CAB39L: variants seen among roughly 807,000 people sequenced by gnomAD.
The protein encoded by CAB39L is calcium binding protein 39 like.
A neutral mutation model predicts 39.1 loss-of-function variants in CAB39L; 23 were observed. The observed-to-expected ratio is 0.59, with a 90% CI of 0.42 to 0.83. The LOEUF (loss-of-function observed/expected upper bound fraction) is 0.83. CAB39L is among the 40% of genes least tolerant of loss of function. CAB39L has a pLI of 0.00. For synonymous variants in CAB39L, 126 were observed against 137.2 expected (o/e 0.92, Z 0.57); for missense variants, 366 against 391.9 (o/e 0.93, Z 0.56).
intron 3 of CAB39L, among the ~76,000 whole-genome samples, chr13:49,408,354 G>A (rs1056140499): frequency 2.0e-5 from 3 of 152,156 alleles, no homozygotes; most frequent in Admixed American, 6.5e-5. Flanking sequence ...TAACAAGTCC[G>A]AGATGCCAGC....
At chr13:49,414,994 G>A (rs554134120) in intron 3 of CAB39L, among the ~76,000 whole-genome samples, 53 of 151,728 alleles carry the variant, frequency 3.5e-4, no homozygotes, top group East Asian at 5.8e-4. Flanking sequence ...TCAGGCGTTC[G>A]AGACCAGCCT....
chr13:49,376,884 T>C (rs1397546102), intron 5 of CAB39L, 83 bp downstream of exon 5: 3 of 1,132,014 alleles, frequency 2.7e-6, no homozygotes, highest in Non-Finnish European at 3.6e-6. Flanking sequence ...AAAGCAAAAG[T>C]TGAATAGTAG....
chr13:49,364,183 T>C (rs1955707408), intron 5 of CAB39L, among the ~76,000 whole-genome samples: 1 of 152,188 alleles, frequency 6.6e-6, no homozygotes, highest in African/African-American at 2.4e-5. Flanking sequence ...GCAAATATTA[T>C]TAGAGCTAAA....
intron 5 of CAB39L, among the ~76,000 whole-genome samples, chr13:49,372,965 G>A (rs894813272): frequency 1.3e-5 from 2 of 152,156 alleles, no homozygotes; most frequent in Non-Finnish European, 2.9e-5. Flanking sequence ...GAGCCACTGC[G>A]CCGGCCTCAA....
chr13:49,368,914 C>T (rs755122607), intron 5 of CAB39L, among the ~76,000 whole-genome samples: 7 of 151,896 alleles, frequency 4.6e-5, no homozygotes, highest in Admixed American at 6.6e-5. Context: ...GAAAAGAAGG[C>T]GGAGACTAGA....
chr13:49,321,728 G>A (rs746286528), intron 10 of CAB39L, among the ~76,000 whole-genome samples: 1 of 152,196 alleles, frequency 6.6e-6, no homozygotes, highest in African/African-American at 2.4e-5. Context: ...CTATAATCAC[G>A]TTTCTCATCT....
rs59783079 is a variant in CAB39L, at chr13:49,441,221, G to GTATATATATATATATATA, written c.-246+2747_-246+2764dup. On this transcript the variant is annotated intron_variant, in intron 1 of 10. Coordinates refer to ENST00000409308, the MANE Select transcript of CAB39L (RefSeq NM_001079670.3). Reference sequence around the variant, plus strand: ...GATGATTTTCTTATAATGATTTAGTGTATATATATATATATATATATATTC... The same window carrying GTATATATATATATATATA: ...GATGATTTTCTTATAATGATTTAGTGTATATATATATATATATATATATATATATATATATATATATTC... 8.9e-3 allele frequency among the ~76,000 whole-genome samples: 1,082 copies of GTATATATATATATATATA among 121,142 alleles called. 25 individuals are homozygous for GTATATATATATATATATA. Among genetic ancestry groups the GTATATATATATATATATA allele is most frequent in the African/African-American group, 0.03 (812 of 27,062 alleles). The allele number at this position is 121,142 out of a possible 152,430, so 79.5% of individuals were successfully genotyped here.
rs764162479 is a variant in CAB39L at position 49,350,863 on chromosome 13, A to G, written c.445T>C (p.Cys149Arg). 1.1e-5 allele frequency: 18 copies of G among 1,611,846 alleles called. No individual in the cohort carries two copies. The South Asian group carries it at 2.0e-4, about 18-fold the overall frequency. Residue 149 changes from cysteine to arginine, a missense_variant, in exon 7 of 11, where the codon TGT becomes CGT. By Grantham distance (180) the Cys-to-Arg change is radical (BLOSUM62 -3). Coordinates refer to ENST00000409308, the MANE Select transcript of CAB39L (RefSeq NM_001079670.3). Reference sequence around the variant, plus strand: ...TTGGCAAGTGGTTCATGTCGAATACATTCTCTCAGCATAATCCCACAACGT... The same window carrying G: ...TTGGCAAGTGGTTCATGTCGAATACGTTCTCTCAGCATAATCCCACAACGT... ...ALRCGIMLRE[C>R]IRHEPLAKII...
At chr13:49,359,905 C>CAT (rs1051911573) in intron 5 of CAB39L, 73 bp from the exon 6 acceptor site, 41 of 790,106 alleles carry the variant, frequency 5.2e-5, no homozygotes, top group Admixed American at 1.9e-4. Flanking sequence ...GGAATATATA[C>CAT]ATATATATAT....
rs539753773 is a variant in CAB39L, at chr13:49,334,686, C to T, written c.691-2596G>A. ...CCTTACAACCTAACTGTGTGATGTG[C>T]ATGGGTATTGTTGGGGAAATAAAAG... On this transcript the variant is annotated intron_variant, in intron 9 of 10. Coordinates refer to ENST00000409308, the MANE Select transcript of CAB39L (RefSeq NM_001079670.3). 3.3e-5 allele frequency among the ~76,000 whole-genome samples: 5 copies of T among 152,300 alleles called. No homozygotes were observed. In the South Asian group the frequency reaches 1.0e-3, roughly 32 times the overall value.
chr13:49,399,895 T>C (rs933585761), intron 3 of CAB39L, among the ~76,000 whole-genome samples: 1 of 152,042 alleles, frequency 6.6e-6, no homozygotes, highest in Admixed American at 6.6e-5. Context: ...AAGTGCAAGA[T>C]ACTAACTAGC....
intron 3 of CAB39L, among the ~76,000 whole-genome samples, chr13:49,426,323 C>T (rs921561510): frequency 6.6e-6 from 1 of 152,210 alleles, no homozygotes; most frequent in Non-Finnish European, 1.5e-5. Flanking sequence ...GATTTTACAG[C>T]CACACTCTCA....
chr13:49,433,628 T>C (rs373619251), intron 2 of CAB39L, among the ~76,000 whole-genome samples: 1 of 152,172 alleles, frequency 6.6e-6, no homozygotes, highest in African/African-American at 2.4e-5. Flanking sequence ...GGGAAACCAG[T>C]GGAAACATAA....
At chr13:49,367,694 C>T (rs1190085117) in intron 5 of CAB39L, among the ~76,000 whole-genome samples, 1 of 152,126 alleles carries the variant, frequency 6.6e-6, no homozygotes, top group African/African-American at 2.4e-5. Flanking sequence ...AGCCTGGAGG[C>T]TCAGTTGAAC....
intron 3 of CAB39L, among the ~76,000 whole-genome samples, chr13:49,430,488 G>A (rs1957304825): frequency 6.6e-6 from 1 of 152,122 alleles, no homozygotes; most frequent in Non-Finnish European, 1.5e-5. Context: ...TCAGCCACTG[G>A]CGTATAGGGC....
intron 5 of CAB39L, among the ~76,000 whole-genome samples, chr13:49,371,322 G>C (rs1213526963): frequency 6.6e-6 from 1 of 151,874 alleles, no homozygotes; most frequent in African/African-American, 2.4e-5. Flanking sequence ...CAAGTAGCTA[G>C]GATTACAGGT....
chr13:49,375,178 T>C (rs527740447), intron 5 of CAB39L, among the ~76,000 whole-genome samples: 1 of 152,152 alleles, frequency 6.6e-6, no homozygotes, highest in Non-Finnish European at 1.5e-5. Flanking sequence ...TATATATGTA[T>C]ATATTTTTAT....
chr13:49,380,871 G>GTTAT, intron 4 of CAB39L, among the ~76,000 whole-genome samples: 1 of 152,108 alleles, frequency 6.6e-6, no homozygotes, highest in East Asian at 1.9e-4. Context: ...TGCAACTTTT[G>GTTAT]TTATTTATTT....
intron 3 of CAB39L, among the ~76,000 whole-genome samples, chr13:49,394,622 T>C (rs999498470): frequency 6.6e-6 from 1 of 152,150 alleles, no homozygotes; most frequent in Non-Finnish European, 1.5e-5. Flanking sequence ...GAGAAATATC[T>C]AATCTAACAG....
Sources: gnomAD v4.1 joint callset for allele counts (sites outside exome capture counted in the v4.1 genomes callset) on GRCh38, gnomAD v4.1.1 for gene constraint, MANE v1.5 for transcripts, NCBI Gene and HGNC (gene_info 2026-07-23, HGNC 2026-07-21) for gene names.